ZNF367: variants seen among roughly 807,000 people sequenced by gnomAD.
The protein encoded by ZNF367 is zinc finger protein 367.
In ZNF367, 11 loss-of-function variants were observed where a neutral mutation model predicts 31.8. That is an observed-to-expected ratio of 0.35 (90% CI 0.22 to 0.57). ZNF367 has a LOEUF of 0.57. Among genes scored for constraint, ZNF367 ranks in the 20% least tolerant of loss-of-function variants. ZNF367 has a pLI of 0.85. For synonymous variants in ZNF367, 199 were observed against 202.4 expected, an observed-to-expected ratio of 0.98 and a Z score of 0.14; for missense variants, 353 against 484.1, an observed-to-expected ratio of 0.73 and a Z score of 2.54.
chr9:96,398,117 A>T, intron 2 of ZNF367, 47 bp downstream of exon 2: 1 of 724,396 alleles, frequency 1.4e-6, no homozygotes, highest in South Asian at 2.6e-5. Context: ...AAAAAAAAAA[A>T]AAAAAGTGTT....
At chr9:96,394,416 A>AT (rs1379869214) in intron 3 of ZNF367, among the ~76,000 whole-genome samples, 1 of 152,204 alleles carries the variant, frequency 6.6e-6, no homozygotes, top group African/African-American at 2.4e-5. Flanking sequence ...AAGACCTAGT[A>AT]TTTTATAGCA....
chr9:96,388,148 G>A lies in ZNF367; in HGVS notation c.*89C>T. 7.7e-7 allele frequency: 1 copy of A among 1,303,656 alleles called. No individual in the cohort carries two copies. Among genetic ancestry groups the A allele is most frequent in the South Asian group, 1.5e-5 (1 of 67,296 alleles). 80.8% of individuals were successfully genotyped at this position (1,303,656 alleles called of 1,614,324 possible). On this transcript the variant is annotated 3_prime_UTR_variant, in exon 5 of 5. Coordinates refer to ENST00000375256, the MANE Select transcript of ZNF367 (RefSeq NM_153695.4). ...TCTACAGAATAGCAGCCTATGATAA[G>A]CAAATAAGGTGCTTAGCTTATGCCC...
rs1050748946 is a variant in ZNF367, at chr9:96,417,713, C to G, written c.320G>C (p.Arg107Pro). The change falls in exon 1 of 5, where the codon CGT becomes CCT. Residue 107 changes from arginine (R) to proline (P), a missense_variant. Transcript: ENST00000375256. This position sits in a 1 kb window ranked among gnomAD's most constrained non-coding sequence, Gnocchi z 5.0. ...AAAAAEHSGL[R>P]GRGAPPPAAS... is the part of the protein sequence containing the mutation. ...GGCGGGCGGGGGCGCGCCCCGGCCA[C>G]GAAGCCCCGAGTGCTCGGCGGCTGC... is the stretch of plus-strand genomic sequence containing the variant. 4.9e-5 allele frequency: 59 copies of G among 1,209,378 alleles called. No individual in the cohort carries two copies. In the Admixed American group the frequency reaches 1.9e-3, roughly 38 times the overall value. The allele number at this position is 1,209,378 out of a possible 1,614,324, so 74.9% of individuals were successfully genotyped here. A position where few individuals can be genotyped will look rare whatever the true frequency, so the allele number is the denominator to read the frequency against.
At position 96,387,105 on chromosome 9, in the gene ZNF367, A is replaced by T. The variant is rs1279474982; in HGVS notation, c.*1132T>A. Reference sequence around the variant, plus strand: ...GAAAAATGGCTTCAAACCACCACACAAGTTAACACACTTGCAGTTAAAACT... The same window carrying T: ...GAAAAATGGCTTCAAACCACCACACTAGTTAACACACTTGCAGTTAAAACT... On this transcript the variant is annotated 3_prime_UTR_variant, in exon 5 of 5. Transcript: ENST00000375256. The T allele has an allele frequency of 6.6e-6, 1 of 152,212 alleles. No individual in the cohort carries two copies. Among genetic ancestry groups the T allele is most frequent in the Non-Finnish European group, 1.5e-5 (1 of 68,026 alleles). The allele number at this position is 152,212 out of a possible 1,614,324, so 9.4% of individuals were successfully genotyped here.
chr9:96,390,776 CAG>C (rs1792830058), intron 4 of ZNF367, among the ~76,000 whole-genome samples: 1 of 150,284 alleles, frequency 6.7e-6, no homozygotes, highest in African/African-American at 2.5e-5. Context: ...CCCAGCTACT[CAG>C]GGGGCTGAAG....
At chr9:96,415,030 A>G (rs937013139) in intron 1 of ZNF367, among the ~76,000 whole-genome samples, 2 of 151,994 alleles carry the variant, frequency 1.3e-5, no homozygotes, top group Admixed American at 6.6e-5. Context: ...GTTAACACAA[A>G]AATACCTAGG....
intron 1 of ZNF367, among the ~76,000 whole-genome samples, chr9:96,402,414 C>T (rs1831615820): frequency 1.4e-5 from 2 of 147,728 alleles, no homozygotes; most frequent in African/African-American, 2.5e-5. Flanking sequence ...CTGGAGTCTT[C>T]GATACCCTAC....
Position 96,418,213 on chromosome 9 carries a change from G to T in ZNF367, c.-181C>A. The T allele has an allele frequency of 2.1e-6, 2 of 943,056 alleles. No individual in the cohort carries two copies. Among genetic ancestry groups the T allele is most frequent in the Non-Finnish European group, 2.8e-6 (2 of 720,040 alleles). The allele number at this position is 943,056 out of a possible 1,614,324, so 58.4% of individuals were successfully genotyped here. On this transcript the variant is annotated 5_prime_UTR_variant, in exon 1 of 5. Transcript: ENST00000375256. ...TGAGCAGACGGCACCGGCGGGCAGGGCTGGACCCCAGCCCCAGGTCAAGCG... is the reference window on the plus strand; with the variant it reads ...TGAGCAGACGGCACCGGCGGGCAGGTCTGGACCCCAGCCCCAGGTCAAGCG...
intron 1 of ZNF367, 83 bp from the exon 2 acceptor site, chr9:96,398,397 A>G (rs1404313378): frequency 1.5e-6 from 2 of 1,333,488 alleles, no homozygotes; most frequent in Non-Finnish European, 2.0e-6. Flanking sequence ...ACTTTCAAAA[A>G]TCTTTCTTGG....
chr9:96,417,948 G>T lies in ZNF367; in HGVS notation c.85C>A (p.Arg29=). ...GTCCTGATGACCGACACCAGCACCC[G>T]CTTCGGGGAGTCGTGGCAGAAGATG... is the stretch of plus-strand genomic sequence containing the variant. ...PVIFCHDSPK[R]VLVSVIRTTP... is the part of the protein sequence containing the mutation. Residue 29 remains arginine, a synonymous_variant, in exon 1 of 5, where the codon CGG becomes AGG. Transcript: ENST00000375256. This position sits in a 1 kb window ranked among gnomAD's most constrained non-coding sequence, Gnocchi z 5.0. 1 of 1,472,130 alleles carries T rather than the reference G, an allele frequency of 6.8e-7. No homozygotes were observed. The highest frequency in any genetic ancestry group is 2.9e-5 in the East Asian group (1 of 33,964). 91.2% of individuals were successfully genotyped at this position (1,472,130 alleles called of 1,614,324 possible). A position where few individuals can be genotyped will look rare whatever the true frequency, so the allele number is the denominator to read the frequency against.
At chr9:96,413,497 C>T (rs1481786591) in intron 1 of ZNF367, among the ~76,000 whole-genome samples, 1 of 152,074 alleles carries the variant, frequency 6.6e-6, no homozygotes, top group Non-Finnish European at 1.5e-5. Flanking sequence ...ATACGGCAGC[C>T]GGTAGATCCT....
intron 1 of ZNF367, among the ~76,000 whole-genome samples, chr9:96,402,732 G>A (rs545691340): frequency 2.0e-5 from 3 of 148,448 alleles, no homozygotes; most frequent in African/African-American, 5.0e-5. Context: ...TCGGCCTCCC[G>A]GAGTGTTGGG....
At chr9:96,396,316 T>C (rs887641600) in intron 2 of ZNF367, among the ~76,000 whole-genome samples, 1 of 152,216 alleles carries the variant, frequency 6.6e-6, no homozygotes, top group Non-Finnish European at 1.5e-5. Context: ...GAAAAAAATA[T>C]ATAAAAATTC....
Position 96,386,915 on chromosome 9 carries a change from A to G in ZNF367, c.*1322T>C, listed in dbSNP as rs1311691363. ...CTCTATTACTCTGAGTTTTACTCCAATTAAGCGATCTGTAAGTTACCATGC... is the reference window on the plus strand; with the variant it reads ...CTCTATTACTCTGAGTTTTACTCCAGTTAAGCGATCTGTAAGTTACCATGC... On this transcript the variant is annotated 3_prime_UTR_variant, in exon 5 of 5. Transcript: ENST00000375256. 6.6e-6 allele frequency: 1 copy of G among 152,200 alleles called. No individual in the cohort carries two copies. Among genetic ancestry groups the G allele is most frequent in the Non-Finnish European group, 1.5e-5 (1 of 68,020 alleles). 9.4% of individuals were successfully genotyped at this position (152,200 alleles called of 1,614,324 possible). A position where few individuals can be genotyped will look rare whatever the true frequency, so the allele number is the denominator to read the frequency against.
intron 1 of ZNF367, among the ~76,000 whole-genome samples, chr9:96,414,563 C>T (rs1268313949): frequency 1.3e-5 from 2 of 152,136 alleles, no homozygotes; most frequent in East Asian, 1.9e-4. Flanking sequence ...CTGCAACCTC[C>T]GTCTCCAGGG....
At chr9:96,403,135 A>G (rs923178639) in intron 1 of ZNF367, among the ~76,000 whole-genome samples, 5 of 151,876 alleles carry the variant, frequency 3.3e-5, no homozygotes, top group African/African-American at 4.8e-5. Flanking sequence ...ATACCCAGAT[A>G]ATTTTTGTAT....
chr9:96,415,581 G>A (rs1435771753), intron 1 of ZNF367, among the ~76,000 whole-genome samples: 3 of 117,076 alleles, frequency 2.6e-5, no homozygotes, highest in East Asian at 6.1e-4. Context: ...CACTGCAACC[G>A]CCGCCTCCCG....
chr9:96,391,774 GT>G (rs1259641968), intron 4 of ZNF367, among the ~76,000 whole-genome samples: 2 of 151,784 alleles, frequency 1.3e-5, no homozygotes, highest in Non-Finnish European at 2.9e-5. Context: ...TTTTTGTTTT[GT>G]TTTGCTTTGT....
intron 1 of ZNF367, among the ~76,000 whole-genome samples, chr9:96,416,087 G>GTTTTT (rs34500193): frequency 3.2e-5 from 4 of 125,064 alleles, no homozygotes; most frequent in Non-Finnish European, 5.1e-5. Context: ...TTTTTTTGTT[G>GTTTTT]TTTTTTTTTT....
Sources: gnomAD v4.1 joint callset for allele counts (sites outside exome capture counted in the v4.1 genomes callset) on GRCh38, gnomAD v4.1.1 for gene constraint, Gnocchi (gnomAD v3.1) non-coding constraint, MANE v1.5 for transcripts, NCBI Gene and HGNC (gene_info 2026-07-23, HGNC 2026-07-21) for gene names.